The following PPP2R2C variants were observed in gnomAD, a reference collection of about 807,000 sequenced individuals.
PPP2R2C encodes the protein protein phosphatase 2, regulatory subunit B, gamma.
PPP2R2C carries 10 observed loss-of-function variants against 45.3 expected under a neutral mutation model. The observed-to-expected ratio is 0.22, with a 90% CI of 0.14 to 0.37. The LOEUF (loss-of-function observed/expected upper bound fraction) is 0.37, where lower values mean the gene tolerates loss of function less well. Ranked by LOEUF, PPP2R2C falls within the 10% of genes least tolerant of loss-of-function variation. PPP2R2C has a pLI of 1.00. For missense variants in PPP2R2C, 308 were observed against 619.7 expected (o/e 0.50, Z 5.34); for synonymous variants, 257 against 245.4 (o/e 1.05, Z -0.44).
chr4:6,511,639 T>G (rs372663467), intron 2 of PPP2R2C, among the ~76,000 whole-genome samples: 38 of 1,870 alleles, frequency 0.02, no homozygotes, highest in African/African-American at 0.045. Context: ...GGTGGTGGTG[T>G]TGATGGTGGT....
chr4:6,429,917 A>G (rs1162599774), intron 1 of PPP2R2C, among the ~76,000 whole-genome samples: 1 of 152,090 alleles, frequency 6.6e-6, no homozygotes, highest in African/African-American at 2.4e-5. Context: ...GGTCTATTGA[A>G]AGATGACCTG....
chr4:6,539,510 T>C (rs1330501419), intron 1 of PPP2R2C, among the ~76,000 whole-genome samples: 3 of 152,228 alleles, frequency 2.0e-5, no homozygotes, highest in African/African-American at 7.2e-5. Context: ...ACTTCCAGAC[T>C]ATTTCAATGA....
intron 1 of PPP2R2C, among the ~76,000 whole-genome samples, chr4:6,461,858 C>T (rs1395692130): frequency 1.3e-5 from 2 of 152,206 alleles, no homozygotes; most frequent in South Asian, 2.1e-4. Flanking sequence ...TGTGGGCAGG[C>T]GGTGGCTACC....
At chr4:6,363,104 G>C (rs571281759) in intron 5 of PPP2R2C, among the ~76,000 whole-genome samples, 2 of 152,270 alleles carry the variant, frequency 1.3e-5, no homozygotes, top group African/African-American at 4.8e-5. Context: ...CTCACAACGG[G>C]GTCAGCACCA....
intron 1 of PPP2R2C, among the ~76,000 whole-genome samples, chr4:6,411,664 T>G (rs1159319827): frequency 6.6e-6 from 1 of 151,876 alleles, no homozygotes; most frequent in Non-Finnish European, 1.5e-5. Context: ...GCCATTCTCC[T>G]GCCTCAGCCT....
intron 1 of PPP2R2C, among the ~76,000 whole-genome samples, chr4:6,551,542 G>A (rs1249753490): frequency 6.6e-6 from 1 of 152,204 alleles, no homozygotes; most frequent in Non-Finnish European, 1.5e-5. Context: ...ACTCAACCAA[G>A]AGCCTAGCAG....
intron 1 of PPP2R2C, among the ~76,000 whole-genome samples, chr4:6,408,486 G>A (rs1404737386): frequency 1.3e-5 from 2 of 152,182 alleles, no homozygotes; most frequent in Non-Finnish European, 2.9e-5. Context: ...TTCTCTCCCA[G>A]GATGGGTGGG....
chr4:6,335,895 T>C (rs537647795), intron 6 of PPP2R2C, among the ~76,000 whole-genome samples: 3 of 152,214 alleles, frequency 2.0e-5, no homozygotes, highest in South Asian at 4.1e-4. Flanking sequence ...CACCTGTCTC[T>C]GAAGCAGACC....
intron 2 of PPP2R2C, among the ~76,000 whole-genome samples, chr4:6,518,979 A>C (rs966831444): frequency 6.6e-6 from 1 of 151,728 alleles, no homozygotes; most frequent in African/African-American, 2.4e-5. Context: ...GAGAAAAAGA[A>C]ATGGAACCAA....
chr4:6,381,530 G>A (rs1014867496), intron 1 of PPP2R2C: 21 of 1,394,404 alleles, frequency 1.5e-5, no homozygotes, highest in African/African-American at 5.8e-5. Flanking sequence ...ATAGATAAGC[G>A]CAAGGCAACC....
At chr4:6,489,770 T>C (rs993212332) in intron 2 of PPP2R2C, among the ~76,000 whole-genome samples, 2 of 152,116 alleles carry the variant, frequency 1.3e-5, no homozygotes, top group Non-Finnish European at 2.9e-5. Flanking sequence ...CTTGTGGGGA[T>C]TGAGATTCAC....
intron 2 of PPP2R2C, among the ~76,000 whole-genome samples, chr4:6,482,000 A>T (rs1000401971): frequency 6.6e-6 from 1 of 151,046 alleles, no homozygotes; most frequent in Non-Finnish European, 1.5e-5. Flanking sequence ...AAAAAAAAAA[A>T]AAAAGTAAAA....
At chr4:6,415,300 C>G (rs934220649) in intron 1 of PPP2R2C, among the ~76,000 whole-genome samples, 1 of 152,234 alleles carries the variant, frequency 6.6e-6, no homozygotes, top group African/African-American at 2.4e-5. Context: ...GACCACCGGC[C>G]GTTTCAATCC....
At chr4:6,351,533 G>T (rs1374228870) in intron 5 of PPP2R2C, among the ~76,000 whole-genome samples, 1 of 152,114 alleles carries the variant, frequency 6.6e-6, no homozygotes, top group African/African-American at 2.4e-5. Flanking sequence ...TCCCAAACCT[G>T]GGTCAGGACC....
At chr4:6,496,712 T>A (rs1478422772) in intron 2 of PPP2R2C, among the ~76,000 whole-genome samples, 1 of 151,790 alleles carries the variant, frequency 6.6e-6, no homozygotes. Context: ...ATACAAAAAA[T>A]TAGCCAGGTG....
intron 4 of PPP2R2C, among the ~76,000 whole-genome samples, chr4:6,373,359 G>A (rs557327409): frequency 3.0e-4 from 45 of 152,284 alleles, no homozygotes; most frequent in Middle Eastern, 3.4e-3. Flanking sequence ...TTGTTACAGC[G>A]GTGGAGTTAG....
Position 6,472,522 on chromosome 4 carries a change from G to A in PPP2R2C, c.-293C>T, listed in dbSNP as rs1721964521. ...GCTGCGTCCGTGCGCCCGGCGGCGG[G>A]GCCTGGTGCCGGTGCGCCTGGCTGC... On this transcript the variant is annotated 5_prime_UTR_variant, in exon 1 of 9. Coordinates refer to ENST00000382599, the MANE Select transcript of PPP2R2C (RefSeq NM_020416.4). 3 of 154,272 alleles carry A rather than the reference G, an allele frequency of 1.9e-5. No homozygotes were observed. The highest frequency in any genetic ancestry group is 7.3e-5 in the African/African-American group (3 of 40,954). 9.6% of individuals were successfully genotyped at this position (154,272 alleles called of 1,614,324 possible).
intron 1 of PPP2R2C, among the ~76,000 whole-genome samples, chr4:6,562,023 C>T (rs1725593425): frequency 1.3e-5 from 2 of 152,154 alleles, no homozygotes; most frequent in Non-Finnish European, 2.9e-5. Flanking sequence ...TGAGGGTATT[C>T]CCAGGGGTGA....
chr4:6,400,568 A>T (rs1432885246), intron 1 of PPP2R2C, among the ~76,000 whole-genome samples: 1 of 152,206 alleles, frequency 6.6e-6, no homozygotes, highest in East Asian at 1.9e-4. Flanking sequence ...CATTGCCCTA[A>T]AAGTACATTG....
Sources: gnomAD v4.1 joint callset for allele counts (sites outside exome capture counted in the v4.1 genomes callset) on GRCh38, gnomAD v4.1.1 for gene constraint, MANE v1.5 for transcripts, NCBI Gene and HGNC (gene_info 2026-07-23, HGNC 2026-07-21) for gene names.